The following CDKAL1 variants were observed in gnomAD, a reference collection of about 807,000 sequenced individuals.
CDKAL1 encodes the protein CDKAL1 threonylcarbamoyladenosine tRNA methylthiotransferase, also known as threonylcarbamoyladenosine tRNA methylthiotransferase.
A neutral mutation model predicts 68.2 loss-of-function variants in CDKAL1; 32 were observed. The observed-to-expected ratio is 0.47, with a 90% CI of 0.35 to 0.63. The LOEUF (loss-of-function observed/expected upper bound fraction) is 0.63, where lower values mean the gene tolerates loss of function less well. Ranked by LOEUF, CDKAL1 falls within the 30% of genes least tolerant of loss-of-function variation. The pLI, the probability that CDKAL1 is intolerant of heterozygous loss-of-function variation, is 0.00. For missense variants in CDKAL1, 606 were observed against 696.7 expected (o/e 0.87, Z 1.47); for synonymous variants, 234 against 244.3 (o/e 0.96, Z 0.39).
intron 5 of CDKAL1, among the ~76,000 whole-genome samples, chr6:20,709,223 C>T (rs1771735954): frequency 6.6e-6 from 1 of 152,006 alleles, no homozygotes; most frequent in Admixed American, 6.6e-5. Flanking sequence ...TACAGCACAC[C>T]CCTGAACCTT....
intron 9 of CDKAL1, among the ~76,000 whole-genome samples, chr6:20,930,859 C>T (rs9366371): frequency 0.47 from 71,566 of 151,714 alleles, 17,835 homozygotes; most frequent in East Asian, 0.65. Context: ...ATTCTGCTGC[C>T]TCAGCCTCCC....
At chr6:20,597,979 A>G (rs1318211937) in intron 4 of CDKAL1, among the ~76,000 whole-genome samples, 1 of 152,212 alleles carries the variant, frequency 6.6e-6, no homozygotes, top group African/African-American at 2.4e-5. Context: ...GTGTTAAAAA[A>G]GGATGTGAGT....
At chr6:21,075,077 A>G (rs909967020) in intron 12 of CDKAL1, among the ~76,000 whole-genome samples, 6 of 149,386 alleles carry the variant, frequency 4.0e-5, no homozygotes, top group Non-Finnish European at 7.4e-5. Flanking sequence ...TTAAAAATCA[A>G]TAATGAAAGT....
At chr6:20,814,223 TG>T (rs1242113759) in intron 8 of CDKAL1, among the ~76,000 whole-genome samples, 1 of 152,128 alleles carries the variant, frequency 6.6e-6, no homozygotes, top group African/African-American at 2.4e-5. Context: ...TCCAAGTGTT[TG>T]TTACTATTAT....
intron 13 of CDKAL1, among the ~76,000 whole-genome samples, chr6:21,136,409 T>C (rs543821399): frequency 6.6e-6 from 1 of 152,358 alleles, no homozygotes; most frequent in African/African-American, 2.4e-5. Context: ...ATTTTAATTC[T>C]GAGATTCATA....
intron 11 of CDKAL1, among the ~76,000 whole-genome samples, chr6:21,005,274 C>T (rs1168284616): frequency 6.6e-6 from 1 of 152,146 alleles, no homozygotes; most frequent in African/African-American, 2.4e-5. Context: ...CACTCCCCAA[C>T]ATAAACCATG....
Position 20,758,336 on chromosome 6 carries a change from A to C in CDKAL1, c.469-259A>C, listed in dbSNP as rs183635671. Among the ~76,000 whole-genome samples the C allele has an allele frequency of 6.1e-3, 934 of 152,304 alleles. 6 individuals carry two copies. The highest frequency in any genetic ancestry group is 0.011 in the Non-Finnish European group (747 of 68,024). The stretch of plus-strand genomic sequence containing the variant: ...TGAGTATATGTTGATAGGCTATCCT[A>C]AAACAACTCCAGGCAGTTTATTTAA... On this transcript the variant is annotated intron_variant, in intron 6 of 15. Coordinates refer to ENST00000274695, the MANE Select transcript of CDKAL1 (RefSeq NM_017774.3).
At chr6:20,564,533 C>T (rs1213016554) in intron 4 of CDKAL1, among the ~76,000 whole-genome samples, 1 of 152,064 alleles carries the variant, frequency 6.6e-6, no homozygotes, top group African/African-American at 2.4e-5. Context: ...GTAAAGTTTA[C>T]TAGGACCAGG....
intron 12 of CDKAL1, among the ~76,000 whole-genome samples, chr6:21,102,435 CTCAG>C (rs1344306701): frequency 2.0e-5 from 3 of 152,162 alleles, no homozygotes; most frequent in African/African-American, 7.2e-5. Context: ...CCTTCACTTA[CTCAG>C]TGTTTACTGG....
At chr6:20,793,762 G>GT (rs10684385) in intron 8 of CDKAL1, among the ~76,000 whole-genome samples, 21 of 144,654 alleles carry the variant, frequency 1.5e-4, no homozygotes, top group Admixed American at 6.9e-4. Flanking sequence ...TTCAGGGATT[G>GT]TTTTTTTTTA....
In CDKAL1 at chr6:21,108,493, G is replaced by C; in HGVS notation, c.1299+30G>C. 3 of 1,415,854 alleles carry C rather than the reference G, an allele frequency of 2.1e-6. No homozygotes were observed. In the African/African-American group the frequency reaches 4.3e-5, roughly 20 times the overall value. 87.7% of individuals were successfully genotyped at this position (1,415,854 alleles called of 1,614,324 possible). On this transcript the variant is annotated intron_variant, in intron 13 of 15. Coordinates refer to ENST00000274695, the MANE Select transcript of CDKAL1 (RefSeq NM_017774.3). ...GAGAAGCATGTTAATAGCATATTAA[G>C]TATTAAAGTCTTTCCGAATGTATAG...
At chr6:20,614,722 A>C (rs1304745719) in intron 4 of CDKAL1, among the ~76,000 whole-genome samples, 2 of 152,194 alleles carry the variant, frequency 1.3e-5, no homozygotes, top group Admixed American at 6.5e-5. Context: ...TTTGCCTCTT[A>C]GTAGTTCTGC....
rs910443209 is a variant in CDKAL1 at position 20,726,585 on chromosome 6, C to G, written c.372-12934C>G. On this transcript the variant is annotated intron_variant, in intron 5 of 15. Transcript: ENST00000274695. ...TTCATGTTACAGGGAAGTGACATCC[C>G]AAAGACTCCCAGGATGGCTAAACAG... Among the ~76,000 whole-genome samples, 3 of 152,088 alleles carry G rather than the reference C, an allele frequency of 2.0e-5. No individual in the cohort carries two copies. In the East Asian group the frequency reaches 5.8e-4, roughly 29 times the overall value.
intron 8 of CDKAL1, among the ~76,000 whole-genome samples, chr6:20,814,980 TG>T (rs1180655127): frequency 1.3e-5 from 2 of 152,252 alleles, no homozygotes; most frequent in Non-Finnish European, 2.9e-5. Flanking sequence ...GGCACCATGT[TG>T]GAGAATCTGT....
At chr6:21,010,711 G>C (rs1256533675) in intron 11 of CDKAL1, among the ~76,000 whole-genome samples, 2 of 152,088 alleles carry the variant, frequency 1.3e-5, no homozygotes, top group African/African-American at 4.8e-5. Flanking sequence ...CCCTAATTAA[G>C]TCCTCAGAAA....
intron 7 of CDKAL1, among the ~76,000 whole-genome samples, chr6:20,760,374 C>T (rs1774410054): frequency 6.6e-6 from 1 of 152,168 alleles, no homozygotes; most frequent in Non-Finnish European, 1.5e-5. Flanking sequence ...ACTACTTCAA[C>T]TCCGTCCTGG....
At chr6:20,853,150 G>A (rs1007266152) in intron 9 of CDKAL1, among the ~76,000 whole-genome samples, 8 of 152,104 alleles carry the variant, frequency 5.3e-5, no homozygotes, top group African/African-American at 1.2e-4. Context: ...AGAGGGTCTC[G>A]GCAGGCAGAT....
At chr6:20,824,130 C>G in intron 8 of CDKAL1, among the ~76,000 whole-genome samples, 1 of 152,126 alleles carries the variant, frequency 6.6e-6, no homozygotes, top group East Asian at 1.9e-4. Context: ...GTCTTGCTAC[C>G]GCTGCTTCTA....
At chr6:20,871,402 T>C (rs1760208890) in intron 9 of CDKAL1, among the ~76,000 whole-genome samples, 1 of 152,202 alleles carries the variant, frequency 6.6e-6, no homozygotes, top group African/African-American at 2.4e-5. Context: ...TACAAATAGC[T>C]ATAACTTGTT....
Sources: gnomAD v4.1 joint callset for allele counts (sites outside exome capture counted in the v4.1 genomes callset) on GRCh38, gnomAD v4.1.1 for gene constraint, MANE v1.5 for transcripts, NCBI Gene and HGNC (gene_info 2026-07-23, HGNC 2026-07-21) for gene names.